Variants in CLEC16A observed in about 807,000 individuals in gnomAD.
CLEC16A encodes the protein protein CLEC16A.
Under a neutral mutation model 109.5 loss-of-function variants are expected in CLEC16A, and 51 were observed. The ratio of observed to expected loss-of-function variants is 0.47; its 90% CI spans 0.37 to 0.59. The LOEUF (loss-of-function observed/expected upper bound fraction) is 0.59. CLEC16A is among the 20% of genes least tolerant of loss of function. The pLI, the probability that CLEC16A is intolerant of heterozygous loss-of-function variation, is 0.00. For synonymous variants in CLEC16A, 673 were observed against 564.2 expected, an observed-to-expected ratio of 1.19 and a Z score of -2.73; for missense variants, 1,339 against 1,394.0, an observed-to-expected ratio of 0.96 and a Z score of 0.63.
intron 10 of CLEC16A, among the ~76,000 whole-genome samples, chr16:10,987,269 C>A (rs1306467685): frequency 1.3e-5 from 2 of 152,090 alleles, no homozygotes; most frequent in Admixed American, 1.3e-4. Context: ...GTGGTAACAT[C>A]TTGCAAAACT....
At chr16:11,161,716 C>G (rs2054727602) in intron 22 of CLEC16A, among the ~76,000 whole-genome samples, 1 of 152,212 alleles carries the variant, frequency 6.6e-6, no homozygotes, top group Admixed American at 6.5e-5. Context: ...CTCTGCTCAT[C>G]TCTCTCCCGT....
intron 22 of CLEC16A, among the ~76,000 whole-genome samples, chr16:11,143,782 G>T (rs895185505): frequency 1.1e-4 from 17 of 152,224 alleles, no homozygotes; most frequent in Non-Finnish European, 1.3e-4. Context: ...CCTCCCTGGG[G>T]AAAGGTAGGC....
chr16:11,171,734 T>C (rs75533351), intron 23 of CLEC16A, among the ~76,000 whole-genome samples: 199 of 152,338 alleles, frequency 1.3e-3, no homozygotes, highest in Non-Finnish European at 2.4e-3. Context: ...AAATATCTTC[T>C]GGTATACCAC....
intron 22 of CLEC16A, chr16:11,157,179 ATGT>A (rs2054565658): frequency 1.6e-6 from 2 of 1,262,470 alleles, no homozygotes; most frequent in Middle Eastern, 2.2e-4. Context: ...TATGTTGGAC[ATGT>A]TATCCGTTGA....
intron 18 of CLEC16A, among the ~76,000 whole-genome samples, chr16:11,060,075 A>T (rs1264891568): frequency 6.6e-6 from 1 of 152,172 alleles, no homozygotes; most frequent in Admixed American, 6.5e-5. Flanking sequence ...CACGGCTCCG[A>T]CTGCTGGGAC....
Position 11,174,311 on chromosome 16 carries a change from C to T in CLEC16A, c.2807-4024C>T, listed in dbSNP as rs112816197. On this transcript the variant is annotated intron_variant, in intron 23 of 23. Coordinates refer to ENST00000409790, the MANE Select transcript of CLEC16A (RefSeq NM_015226.3). The surrounding 1 kb of genome is among the most constrained non-coding windows in gnomAD (Gnocchi z 4.7). Reference sequence around the variant, plus strand: ...CCCCTGTGAGCCGCTCGGGCCGCGACGTCCACTCGCCACGCTGCATTTCCA... The same window carrying T: ...CCCCTGTGAGCCGCTCGGGCCGCGATGTCCACTCGCCACGCTGCATTTCCA... 88 of 438,926 alleles carry T rather than the reference C, an allele frequency of 2.0e-4. No individual in the cohort carries two copies. The highest frequency in any genetic ancestry group is 9.7e-4 in the African/African-American group (48 of 49,696). 27.2% of individuals were successfully genotyped at this position (438,926 alleles called of 1,614,324 possible).
chr16:11,072,704 A>G (rs542851975), intron 19 of CLEC16A, among the ~76,000 whole-genome samples: 237 of 152,352 alleles, frequency 1.6e-3, no homozygotes, highest in African/African-American at 5.5e-3. Context: ...AGAAAAGTCC[A>G]TCAGAAATAC....
intron 19 of CLEC16A, among the ~76,000 whole-genome samples, chr16:11,114,808 C>A (rs2051860530): frequency 6.6e-6 from 1 of 152,174 alleles, no homozygotes. Context: ...ATTCCTTGAT[C>A]TCCCTTGCGG....
At chr16:10,945,554 G>A (rs1242541291) in intron 1 of CLEC16A, among the ~76,000 whole-genome samples, 2 of 152,182 alleles carry the variant, frequency 1.3e-5, no homozygotes, top group African/African-American at 2.4e-5. Flanking sequence ...CCACACCTGC[G>A]TTCAAATCCT....
intron 22 of CLEC16A, among the ~76,000 whole-genome samples, chr16:11,143,937 T>C (rs555332202): frequency 6.6e-6 from 1 of 152,304 alleles, no homozygotes; most frequent in Admixed American, 6.5e-5. Context: ...TCTCATTTTT[T>C]ATTCTTATTC....
intron 7 of CLEC16A, among the ~76,000 whole-genome samples, chr16:10,973,886 G>GGTT (rs2042913141): frequency 1.3e-5 from 1 of 74,916 alleles, no homozygotes; most frequent in African/African-American, 8.8e-5. Context: ...GGGGCTGCTT[G>GGTT]CTTTTTTTTT....
chr16:10,950,512 CG>C (rs2041672753), intron 1 of CLEC16A, among the ~76,000 whole-genome samples: 2 of 152,210 alleles, frequency 1.3e-5, no homozygotes, highest in South Asian at 4.1e-4. Context: ...TACACATCCC[CG>C]GCCCAGCCTC....
chr16:11,027,489 G>A lies in CLEC16A; in HGVS notation c.1537+2568G>A, dbSNP rs1381319250. 3 of 1,584,234 alleles carry A rather than the reference G, an allele frequency of 1.9e-6. No homozygotes were observed. The East Asian group carries it at 6.7e-5, about 35-fold the overall frequency. ...TGTCCGAGAACTCATTTTGAAACGT[G>A]GACAAGCCAAGGTCAAGAGTAAGAC... is the stretch of plus-strand genomic sequence containing the variant. On this transcript the variant is annotated intron_variant, in intron 13 of 23. Transcript: ENST00000409790.
At chr16:11,054,870 A>G (rs1567253020) in intron 18 of CLEC16A, among the ~76,000 whole-genome samples, 3 of 151,896 alleles carry the variant, frequency 2.0e-5, no homozygotes, top group Admixed American at 6.5e-5. Context: ...GTTCGTTTCA[A>G]GTTTTTTGCT....
chr16:11,149,715 G>C (rs1239747269), intron 22 of CLEC16A, among the ~76,000 whole-genome samples: 1 of 151,962 alleles, frequency 6.6e-6, no homozygotes, highest in Admixed American at 6.6e-5. Flanking sequence ...CTTGAACCTG[G>C]GAGGCAGAGG....
At chr16:11,000,080 C>T (rs1197043512) in intron 10 of CLEC16A, among the ~76,000 whole-genome samples, 1 of 152,156 alleles carries the variant, frequency 6.6e-6, no homozygotes, top group East Asian at 1.9e-4. Flanking sequence ...TCAGGTGATC[C>T]ACCTGCCTGG....
At chr16:11,102,733 G>T (rs1158769489) in intron 19 of CLEC16A, among the ~76,000 whole-genome samples, 1 of 152,212 alleles carries the variant, frequency 6.6e-6, no homozygotes, top group African/African-American at 2.4e-5. Context: ...TCAGCTCAGT[G>T]TTCTCCCCAC....
At chr16:11,082,962 G>A (rs2049810585) in intron 19 of CLEC16A, among the ~76,000 whole-genome samples, 1 of 152,076 alleles carries the variant, frequency 6.6e-6, no homozygotes, top group African/African-American at 2.4e-5. Context: ...TCCTCCCATA[G>A]ATCTGTGGTT....
chr16:10,953,087 A>G (rs2041814989), intron 1 of CLEC16A, among the ~76,000 whole-genome samples: 1 of 152,248 alleles, frequency 6.6e-6, no homozygotes, highest in Non-Finnish European at 1.5e-5. Flanking sequence ...ATATTGAAAA[A>G]CAGAAGGAAA....
Sources: gnomAD v4.1 joint callset for allele counts (sites outside exome capture counted in the v4.1 genomes callset) on GRCh38, gnomAD v4.1.1 for gene constraint, Gnocchi (gnomAD v3.1) non-coding constraint, MANE v1.5 for transcripts, NCBI Gene and HGNC (gene_info 2026-07-23, HGNC 2026-07-21) for gene names.